PTPN3: variants seen among roughly 807,000 people sequenced by gnomAD.
PTPN3 encodes protein tyrosine phosphatase non-receptor type 3.
A neutral mutation model predicts 132.7 loss-of-function variants in PTPN3; 96 were observed. The ratio of observed to expected loss-of-function variants is 0.72; its 90% confidence interval spans 0.61 to 0.86. PTPN3 has a LOEUF of 0.86. Among genes scored for constraint, PTPN3 ranks in the 40% least tolerant of loss-of-function variants. The probability of loss-of-function intolerance (pLI) is 0.00; values close to 1 mark genes in which losing one functional copy is unlikely to be tolerated. For missense variants in PTPN3, 1,125 were observed against 1,159.6 expected (o/e 0.97, Z 0.43); for synonymous variants, 398 against 429.0 (o/e 0.93, Z 0.89).
At position 109,406,576 on chromosome 9, in the gene PTPN3, C is replaced by T. The variant is rs996210738; in HGVS notation, c.1678G>A (p.Val560Met). 2.0e-5 allele frequency: 32 copies of T among 1,614,126 alleles called. No homozygotes were observed. The highest frequency in any genetic ancestry group is 2.6e-5 in the Non-Finnish European group (31 of 1,180,014). ...IPKLNEGDQI[V>M]LINGRDISEH... ...GAGATGTCCCGGCCATTGATTAACA[C>T]GATTTGATCCCCTTCGTTCAGCTTA... Residue 560 changes from valine (V) to methionine (M), a missense_variant, in exon 18 of 26, where the codon GTG becomes ATG. By Grantham distance (21) the Val-to-Met change is conservative (BLOSUM62 1). Transcript: ENST00000374541.
At chr9:109,518,288 A>G in the PTPN3 span, among the ~76,000 whole-genome samples, 913 of 152,326 alleles carry the variant, frequency 6.0e-3, 12 homozygotes, top group African/African-American at 0.021. Context: ...GCTCTATGCC[A>G]GGAGCTGAGG....
the PTPN3 span, among the ~76,000 whole-genome samples, chr9:109,527,286 C>A: frequency 2.0e-4 from 31 of 152,270 alleles, no homozygotes; most frequent in Admixed American, 4.6e-4. Context: ...CATGGCAAAA[C>A]CCTGTCTCTA....
intron 2 of PTPN3, among the ~76,000 whole-genome samples, chr9:109,459,820 C>T (rs1305529184): frequency 2.6e-5 from 4 of 152,138 alleles, no homozygotes; most frequent in Non-Finnish European, 5.9e-5. Context: ...GACATTCGCT[C>T]TTGGCCTCCT....
intron 16 of PTPN3, among the ~76,000 whole-genome samples, chr9:109,408,788 A>ATACAT (rs1300361920): frequency 1.9e-5 from 1 of 52,846 alleles, no homozygotes; most frequent in Admixed American, 1.9e-4. Flanking sequence ...AATTAAAAAA[A>ATACAT]AAAAAAAAAT....
At chr9:109,423,831 T>C (rs907723585) in intron 12 of PTPN3, among the ~76,000 whole-genome samples, 5 of 152,204 alleles carry the variant, frequency 3.3e-5, no homozygotes, top group Admixed American at 3.3e-4. Flanking sequence ...TTTAATGTCT[T>C]ATGAAAACAT....
chr9:109,463,992 A>C (rs1845975317), intron 1 of PTPN3, among the ~76,000 whole-genome samples: 2 of 152,240 alleles, frequency 1.3e-5, no homozygotes, highest in Admixed American at 1.3e-4. Flanking sequence ...AGGAAGTAAC[A>C]GAAAACTCCT....
intron 5 of PTPN3, chr9:109,449,113 A>G (rs1015834192): frequency 7.8e-7 from 1 of 1,290,096 alleles, no homozygotes; most frequent in Non-Finnish European, 9.8e-7. Flanking sequence ...TGAAGAGCTG[A>G]GCAGGGATGA....
chr9:109,448,683 T>C (rs1309604591), intron 6 of PTPN3, 128 bp downstream of exon 6: 3 of 888,002 alleles, frequency 3.4e-6, no homozygotes, highest in African/African-American at 1.7e-5. Flanking sequence ...AGCCTAATGC[T>C]GTACAGGATG....
intron 1 of PTPN3, among the ~76,000 whole-genome samples, chr9:109,487,197 T>C (rs185513263): frequency 1.3e-5 from 2 of 151,744 alleles, no homozygotes; most frequent in African/African-American, 2.4e-5. Context: ...AGAGCCAAGG[T>C]GTGGAAGGTA....
At chr9:109,452,898 C>T (rs1206893113) in intron 5 of PTPN3, among the ~76,000 whole-genome samples, 1 of 152,100 alleles carries the variant, frequency 6.6e-6, no homozygotes, top group Non-Finnish European at 1.5e-5. Flanking sequence ...CTGAGGAAAC[C>T]TTGGTAGGGT....
intron 1 of PTPN3, among the ~76,000 whole-genome samples, chr9:109,468,093 G>A (rs944456868): frequency 2.0e-5 from 3 of 152,154 alleles, no homozygotes. Flanking sequence ...GACAATGGAT[G>A]CTGACTAACT....
chr9:109,426,653 C>T (rs563826227), intron 12 of PTPN3, among the ~76,000 whole-genome samples: 1 of 152,190 alleles, frequency 6.6e-6, no homozygotes, highest in South Asian at 2.1e-4. Flanking sequence ...CCAGGAGACA[C>T]ACAGAACCAT....
At chr9:109,536,497 C>G in the PTPN3 span, among the ~76,000 whole-genome samples, 1 of 152,182 alleles carries the variant, frequency 6.6e-6, no homozygotes, top group East Asian at 1.9e-4. Flanking sequence ...CGCAATGATA[C>G]GATGCCTTTA....
At chr9:109,525,007 A>G in the PTPN3 span, among the ~76,000 whole-genome samples, 2 of 152,134 alleles carry the variant, frequency 1.3e-5, no homozygotes, top group Non-Finnish European at 2.9e-5. Flanking sequence ...TGGCCTCCCA[A>G]AGTGCTGGGA....
At chr9:109,486,977 T>C (rs1048462630) in intron 1 of PTPN3, among the ~76,000 whole-genome samples, 2 of 152,206 alleles carry the variant, frequency 1.3e-5, no homozygotes, top group Non-Finnish European at 2.9e-5. Flanking sequence ...CTCCCCAGCC[T>C]TGCGGAACTG....
chr9:109,448,476 C>T (rs1308689852), intron 6 of PTPN3, among the ~76,000 whole-genome samples: 1 of 152,062 alleles, frequency 6.6e-6, no homozygotes, highest in African/African-American at 2.4e-5. Context: ...AAAAGTGGAC[C>T]CAAATTAGGC....
rs775242064 is a variant in PTPN3, at chr9:109,410,075, T to C, written c.1502A>G (p.Asn501Ser). ...EDASQYYCDK[N>S]DNGDSYLVLI... ...GACTAAGTAGCTGTCACCATTATCA[T>C]TCTGGAAAACGGTTTGAAAGTGGTC... The change falls in exon 16 of 26, where the codon AAT (asparagine) becomes AGT (serine). Residue 501 changes from asparagine to serine, a missense_variant and splice_region_variant. Physicochemically the swap from Asn to Ser is conservative, Grantham distance 46 (BLOSUM62 1). Coordinates refer to ENST00000374541, the MANE Select transcript of PTPN3 (RefSeq NM_002829.4). The C allele has an allele frequency of 3.7e-6, 6 of 1,614,120 alleles. No individual in the cohort carries two copies. Among genetic ancestry groups the C allele is most frequent in the Middle Eastern group, 1.6e-4 (1 of 6,084 alleles).
intron 13 of PTPN3, among the ~76,000 whole-genome samples, chr9:109,422,267 G>A (rs1842933259): frequency 6.6e-6 from 1 of 152,144 alleles, no homozygotes; most frequent in African/African-American, 2.4e-5. Flanking sequence ...ACTTACTGAT[G>A]TGCATTTGCT....
At chr9:109,480,154 A>G (rs538291146) in intron 1 of PTPN3, among the ~76,000 whole-genome samples, 1 of 152,184 alleles carries the variant, frequency 6.6e-6, no homozygotes, top group South Asian at 2.1e-4. Flanking sequence ...TCTTCTGCCC[A>G]TTTTTAAAAT....
Sources: gnomAD v4.1 joint callset for allele counts (sites outside exome capture counted in the v4.1 genomes callset) on GRCh38, gnomAD v4.1.1 for gene constraint, MANE v1.5 for transcripts, NCBI Gene and HGNC (gene_info 2026-07-23, HGNC 2026-07-21) for gene names.